The following MARK1 variants were observed in gnomAD, a reference collection of about 807,000 sequenced individuals.
The protein encoded by MARK1 is serine/threonine-protein kinase MARK1.
In MARK1, 40 loss-of-function variants were observed where a neutral mutation model predicts 96.3. The ratio of observed to expected loss-of-function variants is 0.42; its 90% CI spans 0.32 to 0.54. The LOEUF is 0.54. Among genes scored for constraint, MARK1 ranks in the 20% least tolerant of loss-of-function variants. The pLI, the probability that MARK1 is intolerant of heterozygous loss-of-function variation, is 0.16. For missense variants in MARK1, 719 were observed against 984.6 expected (o/e 0.73, Z 3.61); for synonymous variants, 317 against 341.2 (o/e 0.93, Z 0.78).
chr1:220,615,989 T>A lies in MARK1; in HGVS notation c.546T>A (p.Asp182Glu). The A allele has an allele frequency of 6.5e-7, 1 of 1,526,996 alleles. No individual in the cohort carries two copies. Among genetic ancestry groups the A allele is most frequent in the Non-Finnish European group, 9.0e-7 (1 of 1,111,188 alleles). The allele number at this position is 1,526,996 out of a possible 1,614,324, so 94.6% of individuals were successfully genotyped here. Reference protein sequence around the residue: ...YCHQKYIVHRDLKAENLLLDG... With the variant: ...YCHQKYIVHRELKAENLLLDG... ...ATCAAAAGTACATTGTTCACCGTGATCTTAAGGTAAGCTTCTGAGTGTAAT... is the reference window on the plus strand; with the variant it reads ...ATCAAAAGTACATTGTTCACCGTGAACTTAAGGTAAGCTTCTGAGTGTAAT... Residue 182 changes from aspartate to glutamate, a missense_variant, in exon 7 of 18, where the codon GAT becomes GAA. By Grantham distance (45) the Asp-to-Glu change is conservative. Coordinates refer to ENST00000366917, the MANE Select transcript of MARK1 (RefSeq NM_018650.5).
intron 15 of MARK1, 71 bp from the exon 16 acceptor site, chr1:220,653,030 C>T: frequency 6.4e-7 from 1 of 1,565,686 alleles, no homozygotes. Flanking sequence ...CTATTTGTTT[C>T]AAGTTTTTAG....
chr1:220,614,254 C>T (rs1666614812), intron 6 of MARK1, among the ~76,000 whole-genome samples: 1 of 152,056 alleles, frequency 6.6e-6, no homozygotes, highest in African/African-American at 2.4e-5. Flanking sequence ...AGCGATCATC[C>T]TCCCACTTCA....
At chr1:220,585,534 G>A (rs958312269) in intron 3 of MARK1, among the ~76,000 whole-genome samples, 1 of 152,110 alleles carries the variant, frequency 6.6e-6, no homozygotes, top group Non-Finnish European at 1.5e-5. Flanking sequence ...TGGGGAAAGG[G>A]CTCAATGACA....
At position 220,632,286 on chromosome 1, in the gene MARK1, T is replaced by C. The variant is rs765652985; in HGVS notation, c.1095T>C (p.Tyr365=). The part of the protein sequence containing the change: ...NQKYDEVMAT[Y]ILLGRKPPEF... ...AGTATGATGAAGTTATGGCTACTTA[T>C]ATTCTTCTAGGTAGAAAACCACCTG... The change falls in exon 11 of 18, where the codon TAT becomes TAC. Residue 365 remains tyrosine, a synonymous_variant. Coordinates refer to ENST00000366917, the MANE Select transcript of MARK1 (RefSeq NM_018650.5). The C allele has an allele frequency of 1.5e-5, 23 of 1,555,496 alleles. No individual in the cohort carries two copies. The highest frequency in any genetic ancestry group is 1.2e-4 in the East Asian group (5 of 42,958).
chr1:220,641,837 C>T (rs940832285), intron 13 of MARK1, among the ~76,000 whole-genome samples: 4 of 152,204 alleles, frequency 2.6e-5, no homozygotes, highest in Admixed American at 6.5e-5. Context: ...GACCTCCCTC[C>T]CCGAGCCAAG....
At chr1:220,576,125 A>T (rs951552131) in intron 1 of MARK1, among the ~76,000 whole-genome samples, 8 of 143,578 alleles carry the variant, frequency 5.6e-5, no homozygotes, top group Non-Finnish European at 1.1e-4. Context: ...TTAATTTTAA[A>T]ATAACGATAG....
intron 6 of MARK1, among the ~76,000 whole-genome samples, chr1:220,611,071 TC>T (rs1291538483): frequency 6.6e-6 from 1 of 152,108 alleles, no homozygotes; most frequent in African/African-American, 2.4e-5. Flanking sequence ...TTTTCAGAGC[TC>T]AAACACCATG....
chr1:220,539,664 A>G (rs909684997), intron 1 of MARK1, among the ~76,000 whole-genome samples: 16 of 152,066 alleles, frequency 1.1e-4, no homozygotes, highest in African/African-American at 3.9e-4. Context: ...TGAATGTGGT[A>G]TATATCACAT....
In MARK1 at chr1:220,550,850, G is replaced by A. The variant is rs113761477; in HGVS notation, c.51+21977G>A. On this transcript the variant is annotated intron_variant, in intron 1 of 17. Coordinates refer to ENST00000366917, the MANE Select transcript of MARK1 (RefSeq NM_018650.5). ...TTGCCATTTAATTTATCACATTGGAGTTCAGTCAGGGAAGCAGAATTCTGT... is the reference window on the plus strand; with the variant it reads ...TTGCCATTTAATTTATCACATTGGAATTCAGTCAGGGAAGCAGAATTCTGT... Among the ~76,000 whole-genome samples the A allele has an allele frequency of 3.7e-3, 565 of 152,280 alleles. 6 individuals carry two copies. Among genetic ancestry groups the A allele is most frequent in the African/African-American group, 0.013 (534 of 41,554 alleles).
At chr1:220,586,218 G>A (rs550128722) in intron 3 of MARK1, among the ~76,000 whole-genome samples, 10 of 152,178 alleles carry the variant, frequency 6.6e-5, no homozygotes, top group East Asian at 3.9e-4. Context: ...TGAACTCGCC[G>A]TAGCTTCTCT....
At chr1:220,559,768 A>C (rs1320472142) in intron 1 of MARK1, among the ~76,000 whole-genome samples, 3 of 152,188 alleles carry the variant, frequency 2.0e-5, no homozygotes, top group Non-Finnish European at 4.4e-5. Flanking sequence ...GACTGAGTGG[A>C]TCTCTAATTG....
intron 1 of MARK1, among the ~76,000 whole-genome samples, chr1:220,536,830 C>T (rs1660727193): frequency 6.6e-6 from 1 of 152,206 alleles, no homozygotes; most frequent in Non-Finnish European, 1.5e-5. Flanking sequence ...ATCTACCTGC[C>T]TCAGCCTGCC....
rs148554768 is a variant in MARK1, at chr1:220,590,517, T to G, written c.310-7814T>G. Among the ~76,000 whole-genome samples the G allele has an allele frequency of 1.7e-3, 265 of 152,264 alleles. 1 individual carries two copies. Among genetic ancestry groups the G allele is most frequent in the African/African-American group, 6.0e-3 (251 of 41,548 alleles). On this transcript the variant is annotated intron_variant, in intron 3 of 17. Transcript: ENST00000366917. ...CCCACTCTTCTGACCTTATTTAACC[T>G]TCATTAGCTCCTTGAATTCCCTGTC...
intron 1 of MARK1, among the ~76,000 whole-genome samples, chr1:220,562,126 A>G (rs1328814558): frequency 1.3e-5 from 2 of 152,126 alleles, no homozygotes; most frequent in Non-Finnish European, 2.9e-5. Context: ...TGCTTATTTG[A>G]GAATCTTGGT....
intron 13 of MARK1, among the ~76,000 whole-genome samples, chr1:220,640,003 A>G (rs956189390): frequency 7.2e-5 from 11 of 152,230 alleles, no homozygotes; most frequent in African/African-American, 2.7e-4. Context: ...AATGTTGACT[A>G]TATGACTCTT....
intron 1 of MARK1, among the ~76,000 whole-genome samples, chr1:220,540,677 G>A (rs1336001508): frequency 6.6e-6 from 1 of 151,982 alleles, no homozygotes; most frequent in African/African-American, 2.4e-5. Flanking sequence ...TGTGGCATCA[G>A]TTGTATTATT....
chr1:220,598,502 G>T, intron 4 of MARK1, 123 bp downstream of exon 4: 1 of 164,792 alleles, frequency 6.1e-6, no homozygotes. Flanking sequence ...CAGAAGAAAA[G>T]TGATAACCTG....
chr1:220,653,307 C>T lies in MARK1; in HGVS notation c.1943C>T (p.Thr648Met), dbSNP rs145392116. Residue 648 changes from threonine to methionine, a missense_variant, in exon 16 of 18, where the codon ACG becomes ATG. Thr to Met is a moderately conservative substitution (Grantham distance 81). Around this residue, in one of 4 missense-constraint regions of MARK1, gnomAD observed 501 missense variants for 588.3 expected, o/e 0.85. Transcript: ENST00000366917. ...GCATTTGCACATGCCAGAAGGGGAACGTCAACTGGTATAATAAGCAAAATC... is the reference window on the plus strand; with the variant it reads ...GCATTTGCACATGCCAGAAGGGGAATGTCAACTGGTATAATAAGCAAAATC... ...TGAFAHARRG[T>M]STGIISKITS... 2.7e-4 allele frequency: 436 copies of T among 1,614,170 alleles called. No homozygotes were observed. The highest frequency in any genetic ancestry group is 4.3e-4 in the South Asian group (39 of 91,086).
At chr1:220,540,547 CA>C (rs1183577354) in intron 1 of MARK1, among the ~76,000 whole-genome samples, 1 of 152,164 alleles carries the variant, frequency 6.6e-6, no homozygotes, top group African/African-American at 2.4e-5. Flanking sequence ...GTCAAATTGA[CA>C]TATAAAATTA....
Sources: allele counts gnomAD v4.1 joint callset (sites outside exome capture counted in the v4.1 genomes callset), GRCh38; gene constraint gnomAD v4.1.1; regional missense constraint gnomAD v4.1.1; transcripts MANE v1.5; gene names NCBI Gene and HGNC (gene_info 2026-07-23, HGNC 2026-07-21).